The following BCAS3 variants were observed in gnomAD, a reference collection of about 807,000 sequenced individuals.
BCAS3 encodes the protein BCAS4/BCAS3 fusion.
A neutral mutation model predicts 116.1 loss-of-function variants in BCAS3; 53 were observed. That is an observed-to-expected ratio of 0.46 (90% confidence interval 0.37 to 0.57). The LOEUF is 0.57. Among genes scored for constraint, BCAS3 ranks in the 20% least tolerant of loss-of-function variants. BCAS3 has a pLI of 0.00. For synonymous variants in BCAS3, 391 were observed against 408.2 expected, an observed-to-expected ratio of 0.96 and a Z score of 0.51; for missense variants, 917 against 1,165.4, an observed-to-expected ratio of 0.79 and a Z score of 3.10.
chr17:60,786,343 G>A (rs1167636509), intron 6 of BCAS3, among the ~76,000 whole-genome samples: 4 of 151,742 alleles, frequency 2.6e-5, no homozygotes, highest in Non-Finnish European at 1.5e-5. Flanking sequence ...TTCCACCTTT[G>A]AAAAAGAAAG....
In BCAS3 at chr17:61,211,096, G is replaced by A. The variant is rs1411373139; in HGVS notation, c.2425+126532G>A. ...AGGAGAAAAGGCCTGAGGCACGGGG[G>A]AGAAAAGGCAGTTGCAGATAGTAAT... On this transcript the variant is annotated intron_variant, in intron 22 of 23. Transcript: ENST00000407086. This position sits in a 1 kb window ranked among gnomAD's most constrained non-coding sequence, Gnocchi z 4.4. 6.6e-6 allele frequency among the ~76,000 whole-genome samples: 1 copy of A among 152,144 alleles called. No individual in the cohort carries two copies. The highest frequency in any genetic ancestry group is 1.9e-4 in the East Asian group (1 of 5,184).
At position 61,180,300 on chromosome 17, in the gene BCAS3, T is replaced by TA. The variant is rs1423783680; in HGVS notation, c.2425+95743dup. On this transcript the variant is annotated intron_variant, in intron 22 of 23. Transcript: ENST00000407086. The surrounding 1 kb of genome is among the most constrained non-coding windows in gnomAD (Gnocchi z 6.0). ...TCAGATAATGATGTATTATTTCACT[T>TA]AAAAAAATCTTGGAAGATAAACCAA... Among the ~76,000 whole-genome samples the TA allele has an allele frequency of 6.6e-6, 1 of 152,210 alleles. No homozygotes were observed. The highest frequency in any genetic ancestry group is 1.5e-5 in the Non-Finnish European group (1 of 68,000).
intron 22 of BCAS3, among the ~76,000 whole-genome samples, chr17:61,172,785 A>G (rs1385143985): frequency 6.6e-6 from 1 of 151,688 alleles, no homozygotes; most frequent in East Asian, 2.0e-4. Flanking sequence ...GGAGATCGAG[A>G]CAATCCTGGC....
chr17:61,084,154 A>C lies in BCAS3; in HGVS notation c.2328-313A>C, dbSNP rs2286637. On this transcript the variant is annotated intron_variant, in intron 21 of 23. Transcript: ENST00000407086. This position sits in a 1 kb window ranked among gnomAD's most constrained non-coding sequence, Gnocchi z 5.5. ...CAAAGGTTTCAGTATAAACATTTTCAGTGTTTAATTTCCTCTCCCATTCTA... is the reference window on the plus strand; with the variant it reads ...CAAAGGTTTCAGTATAAACATTTTCCGTGTTTAATTTCCTCTCCCATTCTA... Among the ~76,000 whole-genome samples the C allele has an allele frequency of 0.1, 15,262 of 152,178 alleles. 2,308 individuals are homozygous for C. The highest frequency in any genetic ancestry group is 0.33 in the African/African-American group (13,717 of 41,454).
intron 9 of BCAS3, among the ~76,000 whole-genome samples, chr17:60,888,562 T>C (rs941910986): frequency 5.3e-5 from 8 of 152,194 alleles, no homozygotes; most frequent in African/African-American, 1.9e-4. Flanking sequence ...ATTGTGTAAA[T>C]ACTACACAAT....
intron 7 of BCAS3, among the ~76,000 whole-genome samples, chr17:60,843,996 T>G (rs1002563292): frequency 2.0e-5 from 3 of 152,140 alleles, no homozygotes; most frequent in African/African-American, 7.2e-5. Flanking sequence ...TGAGACGGAG[T>G]TTCTCTCTTG....
chr17:61,184,056 T>C lies in BCAS3; in HGVS notation c.2425+99492T>C, dbSNP rs74781846. Among the ~76,000 whole-genome samples, 813 of 152,276 alleles carry C rather than the reference T, an allele frequency of 5.3e-3. 4 individuals carry two copies. The highest frequency in any genetic ancestry group is 0.01 in the Non-Finnish European group (684 of 68,004). On this transcript the variant is annotated intron_variant, in intron 22 of 23. Coordinates refer to ENST00000407086, the MANE Select transcript of BCAS3 (RefSeq NM_017679.5). ...ACTGTTGAGACTGGCTTGTTTTCAA[T>C]TGAGGAGACATTGGCAAATGAACCA... is the stretch of plus-strand genomic sequence containing the variant.
rs1286975471 is a variant in BCAS3, at chr17:61,391,453, G to A, written c.2594-524G>A. 1.3e-5 allele frequency: 2 copies of A among 153,802 alleles called. No homozygotes were observed. Among genetic ancestry groups the A allele is most frequent in the Non-Finnish European group, 2.9e-5 (2 of 69,234 alleles). The allele number at this position is 153,802 out of a possible 1,614,324, so 9.5% of individuals were successfully genotyped here. Reference sequence around the variant, plus strand: ...TGGCCAGCAGATGGACTGTGTGGGTGAGCATGAGTGAATGAGTGAGTGGCA... The same window carrying A: ...TGGCCAGCAGATGGACTGTGTGGGTAAGCATGAGTGAATGAGTGAGTGGCA... On this transcript the variant is annotated intron_variant, in intron 23 of 23. Coordinates refer to ENST00000407086, the MANE Select transcript of BCAS3 (RefSeq NM_017679.5). The surrounding 1 kb of genome is among the most constrained non-coding windows in gnomAD (Gnocchi z 7.7).
chr17:60,988,277 C>G, intron 14 of BCAS3, among the ~76,000 whole-genome samples: 1 of 144,242 alleles, frequency 6.9e-6, no homozygotes, highest in Non-Finnish European at 1.5e-5. Context: ...GGCCTCTAGT[C>G]TAGTCTAGTC....
intron 4 of BCAS3, among the ~76,000 whole-genome samples, chr17:60,690,393 G>A (rs948162892): frequency 4.6e-5 from 7 of 151,692 alleles, no homozygotes; most frequent in Admixed American, 4.6e-4. Flanking sequence ...AACATAGCGC[G>A]ACCTTGTCTC....
At chr17:61,335,415 C>CT (rs1267191049) in intron 22 of BCAS3, among the ~76,000 whole-genome samples, 1 of 152,214 alleles carries the variant, frequency 6.6e-6, no homozygotes, top group Non-Finnish European at 1.5e-5. Context: ...GGGTCTGGGC[C>CT]TTTTTTCCAG....
chr17:61,069,012 A>G (rs1326460490), intron 19 of BCAS3, among the ~76,000 whole-genome samples: 1 of 152,204 alleles, frequency 6.6e-6, no homozygotes. Flanking sequence ...TCAGAGGAGC[A>G]AAAGAGAGGA....
At chr17:61,080,167 A>G (rs1475896564) in intron 21 of BCAS3, among the ~76,000 whole-genome samples, 3 of 151,892 alleles carry the variant, frequency 2.0e-5, no homozygotes, top group Non-Finnish European at 4.4e-5. Context: ...TGCCTCCCAA[A>G]GTGTGGGGAC....
intron 13 of BCAS3, among the ~76,000 whole-genome samples, chr17:60,940,698 T>A (rs1330342986): frequency 6.6e-6 from 1 of 152,248 alleles, no homozygotes; most frequent in Non-Finnish European, 1.5e-5. Flanking sequence ...TGCCAAAGTA[T>A]AAAATTCTTT....
At chr17:60,788,071 T>C (rs1015753565) in intron 6 of BCAS3, among the ~76,000 whole-genome samples, 2 of 152,164 alleles carry the variant, frequency 1.3e-5, no homozygotes, top group South Asian at 4.1e-4. Flanking sequence ...TTTACAACAG[T>C]ACTATGTGGC....
At chr17:60,680,973 A>G (rs1010461990) in intron 2 of BCAS3, among the ~76,000 whole-genome samples, 8 of 152,150 alleles carry the variant, frequency 5.3e-5, no homozygotes, top group African/African-American at 1.9e-4. Context: ...GAAGGCTGAC[A>G]TGGGAGGATT....
At position 61,229,401 on chromosome 17, in the gene BCAS3, C is replaced by A. The variant is rs1384201569; in HGVS notation, c.2426-138926C>A. ...CCAGCCAGTTATCTAGAAGATCTAG[C>A]CAAGATCATTGATGAAGGTGGCTAT... is the stretch of plus-strand genomic sequence containing the variant. On this transcript the variant is annotated intron_variant, in intron 22 of 23. Coordinates refer to ENST00000407086, the MANE Select transcript of BCAS3 (RefSeq NM_017679.5). The surrounding 1 kb of genome is among the most constrained non-coding windows in gnomAD (Gnocchi z 4.4). Among the ~76,000 whole-genome samples, 1 of 152,158 alleles carries A rather than the reference C, an allele frequency of 6.6e-6. No individual in the cohort carries two copies. Among genetic ancestry groups the A allele is most frequent in the Non-Finnish European group, 1.5e-5 (1 of 68,036 alleles).
Position 60,710,471 on chromosome 17 carries a change from G to A in BCAS3, c.321+1146G>A, listed in dbSNP as rs185020574. Among the ~76,000 whole-genome samples the A allele has an allele frequency of 2.8e-3, 365 of 130,150 alleles. 6 individuals carry two copies. The East Asian group carries it at 0.062, about 22-fold the overall frequency. 85.4% of individuals were successfully genotyped at this position (130,150 alleles called of 152,430 possible). A position where few individuals can be genotyped will look rare whatever the true frequency, so the allele number is the denominator to read the frequency against. ...TTTTGAGACAGAGTTTCACTCTGTT[G>A]CCCAGGCTGGAGTGCAGTGGCGCAA... On this transcript the variant is annotated intron_variant, in intron 5 of 23. Coordinates refer to ENST00000407086, the MANE Select transcript of BCAS3 (RefSeq NM_017679.5).
chr17:61,284,645 G>GT lies in BCAS3; in HGVS notation c.2426-83671dup, dbSNP rs540729268. 9.7e-3 allele frequency among the ~76,000 whole-genome samples: 1,411 copies of GT among 144,964 alleles called. 13 individuals carry two copies. The highest frequency in any genetic ancestry group is 0.024 in the African/African-American group (946 of 39,666). The stretch of plus-strand genomic sequence containing the variant: ...AATTAGCAGTGCAGCCCACAACTGC[G>GT]TTTTTTTTTTTCCTCTACTCTTTTT... On this transcript the variant is annotated intron_variant, in intron 22 of 23. Transcript: ENST00000407086.
Sources: allele counts gnomAD v4.1 joint callset (sites outside exome capture counted in the v4.1 genomes callset), GRCh38; gene constraint gnomAD v4.1.1; non-coding constraint Gnocchi (gnomAD v3.1); transcripts MANE v1.5; gene names NCBI Gene and HGNC (gene_info 2026-07-23, HGNC 2026-07-21).